Variants in ARSF observed in about 807,000 individuals in gnomAD.
ARSF encodes arylsulfatase F.
A neutral mutation model predicts 35.4 loss-of-function variants in ARSF; 33 were observed. That is an observed-to-expected ratio of 0.93 (90% CI 0.71 to 1.25). The LOEUF is 1.25. Ranked by LOEUF, ARSF falls within the 50% of genes most tolerant of loss-of-function variation. The probability of loss-of-function intolerance (pLI) is 0.00; values close to 1 mark genes in which losing one functional copy is unlikely to be tolerated. For missense variants in ARSF, 501 were observed against 480.2 expected (o/e 1.04, Z -0.40); for synonymous variants, 222 against 193.1 (o/e 1.15, Z -1.24).
intron 1 of ARSF, among the ~76,000 whole-genome samples, chrX:3,051,590 C>CTA (rs60052949): frequency 0.075 from 8,356 of 111,637 alleles, 448 homozygotes; most frequent in African/African-American, 0.19. Flanking sequence ...GACTCTGTAA[C>CTA]TGTGAGAAGA....
At chrX:3,109,494 G>A (rs979130765) in intron 9 of ARSF, among the ~76,000 whole-genome samples, 2 of 110,856 alleles carry the variant, frequency 1.8e-5, no homozygotes, top group African/African-American at 6.5e-5. Flanking sequence ...TTTGTTATTT[G>A]GATATATTGT....
intron 6 of ARSF, 48 bp downstream of exon 6, chrX:3,084,714 T>TA: frequency 9.3e-7 from 1 of 1,080,398 alleles, no homozygotes; most frequent in Non-Finnish European, 1.2e-6. Flanking sequence ...ATGATCTCTT[T>TA]TTTAAAAGGA....
At chrX:3,059,075 A>T (rs1444154976) in intron 1 of ARSF, among the ~76,000 whole-genome samples, 5 of 111,832 alleles carry the variant, frequency 4.5e-5, no homozygotes, top group Non-Finnish European at 9.4e-5. Flanking sequence ...GAGTCACTTA[A>T]CTAATTCACC....
intron 1 of ARSF, among the ~76,000 whole-genome samples, chrX:3,062,570 G>T (rs1406720330): frequency 9.0e-6 from 1 of 110,998 alleles, no homozygotes; most frequent in Non-Finnish European, 1.9e-5. Context: ...CACTAATAAA[G>T]AAGAAAAGAG....
intron 7 of ARSF, among the ~76,000 whole-genome samples, chrX:3,092,895 G>A (rs1004534750): frequency 8.9e-6 from 1 of 112,165 alleles, no homozygotes; most frequent in Non-Finnish European, 1.9e-5. Context: ...ATAGGTGGCC[G>A]GGCGCGGTGG....
At chrX:3,083,294 A>G (rs2090216347) in intron 5 of ARSF, among the ~76,000 whole-genome samples, 1 of 110,636 alleles carries the variant, frequency 9.0e-6, no homozygotes, top group Non-Finnish European at 1.9e-5. Context: ...TGTATACACC[A>G]TAATTTATTT....
chrX:3,093,304 G>A (rs2090314091), intron 7 of ARSF, among the ~76,000 whole-genome samples: 1 of 111,849 alleles, frequency 8.9e-6, no homozygotes, highest in Non-Finnish European at 1.9e-5. Flanking sequence ...ATGCAGGTTT[G>A]TTACCTGGGT....
chrX:3,078,617 A>G (rs1436983640), intron 4 of ARSF, among the ~76,000 whole-genome samples: 1 of 110,838 alleles, frequency 9.0e-6, no homozygotes. Context: ...CTCCCTCCTC[A>G]GCCTCCTGAG....
rs750936963 is a variant in ARSF, at chrX:3,111,698, A to G, written c.1391-476A>G. Among the ~76,000 whole-genome samples the G allele has an allele frequency of 4.3e-3, 470 of 109,790 alleles. 2 individuals carry two copies. Among genetic ancestry groups the G allele is most frequent in the African/African-American group, 0.015 (452 of 30,201 alleles). On this transcript the variant is annotated intron_variant, in intron 10 of 10. Transcript: ENST00000381127. ...TATTGTGCACTTTATTTCTATCATT[A>G]TTATATTGTATTACATAATGAAATA...
chrX:3,107,679 G>A (rs2090419549), intron 9 of ARSF, among the ~76,000 whole-genome samples: 1 of 102,798 alleles, frequency 9.7e-6, no homozygotes, highest in Admixed American at 1.1e-4. Flanking sequence ...AATCAGGATG[G>A]TGTTCTAATG....
intron 1 of ARSF, among the ~76,000 whole-genome samples, chrX:3,065,583 G>C (rs1353402765): frequency 2.8e-5 from 3 of 107,060 alleles, no homozygotes. Flanking sequence ...ATTTTAGTGA[G>C]CTGAAATTGT....
chrX:3,059,102 G>A (rs753859100), intron 1 of ARSF, among the ~76,000 whole-genome samples: 4 of 111,694 alleles, frequency 3.6e-5, no homozygotes, highest in South Asian at 3.8e-4. Context: ...ACTGCAAACC[G>A]ATGGTCATGG....
intron 7 of ARSF, among the ~76,000 whole-genome samples, chrX:3,092,150 A>G (rs1440499528): frequency 9.8e-6 from 1 of 102,159 alleles, no homozygotes; most frequent in Non-Finnish European, 2.0e-5. Context: ...TACGTAGATG[A>G]TAGGTAGGTA....
intron 7 of ARSF, among the ~76,000 whole-genome samples, chrX:3,093,152 G>C (rs189799790): frequency 8.1e-5 from 9 of 111,660 alleles, no homozygotes; most frequent in Admixed American, 1.9e-4. Context: ...GCAACGGAGC[G>C]AGACTCCGTC....
chrX:3,064,711 A>G (rs1350225244), intron 1 of ARSF, among the ~76,000 whole-genome samples: 2 of 112,304 alleles, frequency 1.8e-5, no homozygotes, highest in East Asian at 2.8e-4. Flanking sequence ...AATGCTCACC[A>G]TCACTGGCCA....
chrX:3,060,807 G>A (rs893285158), intron 1 of ARSF, among the ~76,000 whole-genome samples: 4 of 111,688 alleles, frequency 3.6e-5, no homozygotes, highest in East Asian at 2.8e-4. Flanking sequence ...AGAGATATGG[G>A]ACTATGTGAA....
At chrX:3,079,488 G>A (rs1302211235) in intron 4 of ARSF, among the ~76,000 whole-genome samples, 1 of 108,602 alleles carries the variant, frequency 9.2e-6, no homozygotes, top group Admixed American at 9.9e-5. Flanking sequence ...GGGATTACAG[G>A]CATGTACCAC....
intron 3 of ARSF, among the ~76,000 whole-genome samples, chrX:3,072,952 A>G (rs192870816): frequency 0.02 from 2,085 of 101,922 alleles, 24 homozygotes; most frequent in Middle Eastern, 0.052. Flanking sequence ...AATATATATG[A>G]ATATGTTATT....
Position 3,080,930 on chromosome X carries a change from T to A in ARSF, c.323T>A (p.Leu108His), listed in dbSNP as rs768761561. ...SSGNRRVIQN[L>H]AVPAGLPLNE... The stretch of plus-strand genomic sequence containing the variant: ...GGTAATAGACGTGTCATCCAAAATC[T>A]TGCAGTCCCCGCAGGCCTCCCTCTT... Residue 108 changes from leucine to histidine, a missense_variant, in exon 5 of 11, where the codon CTT becomes CAT. Transcript: ENST00000381127. 8.3e-7 allele frequency: 1 copy of A among 1,210,188 alleles called. No individual in the cohort carries two copies. The highest frequency in any genetic ancestry group is 3.0e-5 in the East Asian group (1 of 33,778).
Sources: allele counts gnomAD v4.1 joint callset (sites outside exome capture counted in the v4.1 genomes callset), GRCh38; gene constraint gnomAD v4.1.1; transcripts MANE v1.5; gene names NCBI Gene and HGNC (gene_info 2026-07-23, HGNC 2026-07-21).